SVOPL: variants seen among roughly 807,000 people sequenced by gnomAD.
SVOPL encodes the protein putative transporter SVOPL.
A neutral mutation model predicts 61.0 loss-of-function variants in SVOPL; 60 were observed. The ratio of observed to expected loss-of-function variants is 0.98; its 90% CI spans 0.80 to 1.22. The LOEUF is 1.22. SVOPL is among the 50% of genes most tolerant of loss of function. SVOPL has a pLI of 0.00. For missense variants in SVOPL, 662 were observed against 643.9 expected, an observed-to-expected ratio of 1.03 and a Z score of -0.30; for synonymous variants, 279 against 250.0, an observed-to-expected ratio of 1.12 and a Z score of -1.09.
chr7:138,629,570 A>C (rs2116920810), intron 10 of SVOPL, among the ~76,000 whole-genome samples: 1 of 152,180 alleles, frequency 6.6e-6, no homozygotes, highest in Middle Eastern at 3.4e-3. Flanking sequence ...CACAGTTCCT[A>C]AGTTCCTAAT....
intron 14 of SVOPL, among the ~76,000 whole-genome samples, chr7:138,618,541 A>G (rs1799402267): frequency 6.6e-6 from 1 of 152,036 alleles, no homozygotes; most frequent in African/African-American, 2.4e-5. Context: ...GGTGCCTGTA[A>G]TTCCAGCTAT....
intron 14 of SVOPL, among the ~76,000 whole-genome samples, chr7:138,616,250 A>G (rs1799293408): frequency 2.0e-5 from 3 of 152,236 alleles, no homozygotes; most frequent in Admixed American, 6.5e-5. Context: ...TGATCTCTTG[A>G]AGTTTCCCAG....
chr7:138,634,931 T>G (rs1453902571), intron 9 of SVOPL, among the ~76,000 whole-genome samples: 1 of 152,186 alleles, frequency 6.6e-6, no homozygotes, highest in Non-Finnish European at 1.5e-5. Flanking sequence ...ACCACTGCAC[T>G]GCAGTCTGGG....
chr7:138,670,313 T>C (rs1563132214), intron 4 of SVOPL, among the ~76,000 whole-genome samples: 2 of 152,210 alleles, frequency 1.3e-5, no homozygotes, highest in Admixed American at 1.3e-4. Context: ...TCTGTTAAGA[T>C]ATAGGCTTAA....
chr7:138,660,677 T>C, intron 5 of SVOPL: 2 of 985,448 alleles, frequency 2.0e-6, no homozygotes, highest in Non-Finnish European at 2.4e-6. Context: ...CTCTCTGATA[T>C]CTTTAGCAAG....
rs979648313 is a variant in SVOPL at position 138,596,786 on chromosome 7, A to T, written c.1354-256T>A. On this transcript the variant is annotated intron_variant, in intron 14 of 15. Transcript: ENST00000674285. ...CTCTCTTGGCATCCACCTGTCAGGC[A>T]TCTCCAGAGCCAAGTTTTGATATAT... 5.2e-6 allele frequency: 6 copies of T among 1,146,910 alleles called. No homozygotes were observed. The East Asian group carries it at 3.3e-4, about 62-fold the overall frequency. 71.0% of individuals were successfully genotyped at this position (1,146,910 alleles called of 1,614,324 possible).
At chr7:138,611,882 C>T (rs1283778116) in intron 14 of SVOPL, among the ~76,000 whole-genome samples, 11 of 73,896 alleles carry the variant, frequency 1.5e-4, no homozygotes, top group African/African-American at 1.9e-4. Context: ...GCCGCCACCC[C>T]GTCTGGGAGG....
chr7:138,609,724 G>C (rs1372041920), intron 14 of SVOPL, among the ~76,000 whole-genome samples: 70 of 150,798 alleles, frequency 4.6e-4, no homozygotes, highest in Non-Finnish European at 8.3e-4. Flanking sequence ...TTTTTTGGGG[G>C]GGGTGGGGGC....
At chr7:138,686,627 G>A (rs937610086) in intron 1 of SVOPL, among the ~76,000 whole-genome samples, 15 of 74,666 alleles carry the variant, frequency 2.0e-4, no homozygotes, top group Non-Finnish European at 3.0e-4. Context: ...GTGCAATGGC[G>A]TGGTCCTGGC....
At chr7:138,633,635 C>T (rs1030681989) in intron 9 of SVOPL, among the ~76,000 whole-genome samples, 6 of 152,082 alleles carry the variant, frequency 3.9e-5, no homozygotes, top group Admixed American at 2.0e-4. Flanking sequence ...CAATGCAAAA[C>T]GAACAGACAC....
At chr7:138,696,206 T>G (rs1244959337) in intron 1 of SVOPL, among the ~76,000 whole-genome samples, 1 of 152,100 alleles carries the variant, frequency 6.6e-6, no homozygotes, top group Non-Finnish European at 1.5e-5. Flanking sequence ...GTGCTCCCTA[T>G]GCCAGGCAGG....
At position 138,689,296 on chromosome 7, in the gene SVOPL, GT is replaced by G; in HGVS notation, c.-34-10218del. 4.4e-6 allele frequency: 7 copies of G among 1,592,094 alleles called. No homozygotes were observed. The East Asian group carries it at 8.9e-5, about 20-fold the overall frequency. On this transcript the variant is annotated intron_variant, in intron 1 of 15. Coordinates refer to ENST00000674285, the MANE Select transcript of SVOPL (RefSeq NM_001139456.2). ...GCAGAGAGCAATGCAGAACTTAAGG[GT>G]TTAGATGTAGATTCTCTGGTCATTG...
intron 14 of SVOPL, among the ~76,000 whole-genome samples, chr7:138,600,683 A>G (rs1261967985): frequency 1.3e-5 from 2 of 152,152 alleles, no homozygotes; most frequent in East Asian, 1.9e-4. Flanking sequence ...ATAGACCTGA[A>G]TAGACATTTC....
chr7:138,694,251 T>C (rs572030673), intron 1 of SVOPL, among the ~76,000 whole-genome samples: 1 of 152,320 alleles, frequency 6.6e-6, no homozygotes, highest in East Asian at 1.9e-4. Context: ...CTGTTGGGTT[T>C]TTTTTGTTTT....
Position 138,594,476 on chromosome 7 carries a change from T to A in SVOPL, c.*134A>T. The A allele has an allele frequency of 1.6e-6, 1 of 626,638 alleles. No individual in the cohort carries two copies. Among genetic ancestry groups the A allele is most frequent in the Non-Finnish European group, 2.6e-6 (1 of 379,694 alleles). The allele number at this position is 626,638 out of a possible 1,614,324, so 38.8% of individuals were successfully genotyped here. A position where few individuals can be genotyped will look rare whatever the true frequency, so the allele number is the denominator to read the frequency against. ...CAGTTACCTACCCCATTCCCATATA[T>A]GCCTTTAAAAAAAAAATCACTTTAC... is the stretch of plus-strand genomic sequence containing the variant. On this transcript the variant is annotated 3_prime_UTR_variant, in exon 16 of 16. Coordinates refer to ENST00000674285, the MANE Select transcript of SVOPL (RefSeq NM_001139456.2).
intron 9 of SVOPL, among the ~76,000 whole-genome samples, chr7:138,642,287 C>CAAAAAAAAAAAAAAAAAAAAAAAAAGCA (rs79469915): frequency 9.0e-6 from 1 of 111,672 alleles, no homozygotes; most frequent in Non-Finnish European, 1.8e-5. Context: ...GGAAATTAGC[C>CAAAAAAAAAAAAAAAAAAAAAAAAAGCA]AAAAAAAAAA....
chr7:138,655,008 T>C (rs1032550283), intron 7 of SVOPL, among the ~76,000 whole-genome samples: 8 of 150,954 alleles, frequency 5.3e-5, no homozygotes, highest in Non-Finnish European at 1.2e-4. Context: ...CTAGGCAACA[T>C]GGAGAAACCC....
chr7:138,654,816 C>T (rs1028641890), intron 7 of SVOPL, among the ~76,000 whole-genome samples: 1 of 150,888 alleles, frequency 6.6e-6, no homozygotes, highest in Non-Finnish European at 1.5e-5. Flanking sequence ...ATAGTGAGAC[C>T]ACATCTCCAC....
At chr7:138,596,733 G>C (rs1798297799) in intron 14 of SVOPL, 1 of 1,257,538 alleles carries the variant, frequency 8.0e-7, no homozygotes, top group Admixed American at 3.6e-5. Context: ...ACAGGAACTG[G>C]TATTAACACG....
Sources: allele counts gnomAD v4.1 joint callset (sites outside exome capture counted in the v4.1 genomes callset), GRCh38; gene constraint gnomAD v4.1.1; transcripts MANE v1.5; gene names NCBI Gene and HGNC (gene_info 2026-07-23, HGNC 2026-07-21).